METTL26: variants seen among roughly 807,000 people sequenced by gnomAD.
METTL26 encodes the protein methyltransferase like 26.
A neutral mutation model predicts 24.7 loss-of-function variants in METTL26; 28 were observed. The observed-to-expected ratio is 1.13, with a 90% CI of 0.84 to 1.55. The LOEUF (loss-of-function observed/expected upper bound fraction) is 1.55, where lower values mean the gene tolerates loss of function less well. METTL26 is among the 40% of genes most tolerant of loss of function. The pLI, the probability that METTL26 is intolerant of heterozygous loss-of-function variation, is 0.00. For missense variants in METTL26, 344 were observed against 281.2 expected (o/e 1.22, Z -1.60); for synonymous variants, 165 against 125.2 (o/e 1.32, Z -2.12).
Position 634,802 on chromosome 16 carries a change from A to T in METTL26, c.489-5T>A, listed in dbSNP as rs754180031. On this transcript the variant is annotated splice_region_variant and splice_polypyrimidine_tract_variant and intron_variant, in intron 4 of 5. Transcript: ENST00000301686. ...CGAAGCCCCCATTCTGGGTTCCTGC[A>T]GAGGGTGGGGAGATGGAGTCATGGC... 5 of 1,608,008 alleles carry T rather than the reference A, an allele frequency of 3.1e-6. No individual in the cohort carries two copies. The highest frequency in any genetic ancestry group is 4.2e-6 in the Non-Finnish European group (5 of 1,177,294).
chr16:635,157 G>A, intron 3 of METTL26, 124 bp downstream of exon 3: 1 of 1,476,548 alleles, frequency 6.8e-7, no homozygotes, highest in Non-Finnish European at 9.1e-7. Context: ...GACTGGAAGT[G>A]GAGGGGAGGC....
chr16:635,428 G>A, intron 2 of METTL26, 88 bp from the exon 3 acceptor site: 2 of 1,098,784 alleles, frequency 1.8e-6, no homozygotes, highest in South Asian at 3.0e-5. Context: ...CGACTGTGAT[G>A]GGGGAGGCTG....
In METTL26 at chr16:635,300, G is replaced by T. The variant is rs749678888; in HGVS notation, c.401C>A (p.Ala134Asp). Residue 134 changes from alanine to aspartate, a missense_variant, in exon 3 of 6, where the codon GCC becomes GAC. Coordinates refer to ENST00000301686, the MANE Select transcript of METTL26 (RefSeq NM_032366.5). Reference protein sequence around the residue: ...RAAGHLLKPRALLITYGPYAI... With the variant: ...RAAGHLLKPRDLLITYGPYAI... Reference sequence around the variant, plus strand: ...ACTCACCCCGTAGGTGATGAGCAGGGCCCTGGGTTTGAGCAGGTGTCCTGC... The same window carrying T: ...ACTCACCCCGTAGGTGATGAGCAGGTCCCTGGGTTTGAGCAGGTGTCCTGC... The T allele has an allele frequency of 3.8e-6, 6 of 1,597,618 alleles. No homozygotes were observed. The South Asian group carries it at 5.6e-5, about 15-fold the overall frequency.
At chr16:635,083 A>C (rs576543511) in intron 3 of METTL26, 127 bp from the exon 4 acceptor site, 3 of 1,516,536 alleles carry the variant, frequency 2.0e-6, no homozygotes, top group Non-Finnish European at 2.6e-6. Context: ...AGAGGGAGTC[A>C]GCCAAGGCCA....
In METTL26 at chr16:635,877, C is replaced by G. The variant is rs778720340; in HGVS notation, c.198-103G>C. ...GGAGGCTGGGGGGCACGTTGAGGAG[C>G]GGAGACCAAAGCGGCTGGGAAGGGG... On this transcript the variant is annotated intron_variant, in intron 1 of 5. Coordinates refer to ENST00000301686, the MANE Select transcript of METTL26 (RefSeq NM_032366.5). 29 of 1,423,612 alleles carry G rather than the reference C, an allele frequency of 2.0e-5. No homozygotes were observed. The Admixed American group carries it at 6.3e-4, about 31-fold the overall frequency. The allele number at this position is 1,423,612 out of a possible 1,614,324, so 88.2% of individuals were successfully genotyped here.
chr16:635,758 G>T lies in METTL26; in HGVS notation c.214C>A (p.Gln72Lys). ...TTCACGTTGGTCAGGCCCTGGGCTT[G>T]CGTGGTGGCCGCGATGCTGCAGGAG... ...RCLDSIAATT[Q>K]AQGLTNVKAP... is the part of the protein sequence containing the mutation. The change falls in exon 2 of 6, where the codon CAA (glutamine) becomes AAA (lysine). Residue 72 changes from glutamine to lysine, a missense_variant. Gln to Lys is a moderately conservative substitution (Grantham distance 53). Transcript: ENST00000301686. The T allele has an allele frequency of 6.4e-7, 1 of 1,569,816 alleles. No homozygotes were observed. The highest frequency in any genetic ancestry group is 8.7e-7 in the Non-Finnish European group (1 of 1,155,144).
At position 636,228 on chromosome 16, in the gene METTL26, G is replaced by GTAC; in HGVS notation, c.60_62dup (p.Gln20_Tyr21insTer). On this transcript the variant is annotated stop_gained, in exon 1 of 6. Coordinates refer to ENST00000301686, the MANE Select transcript of METTL26 (RefSeq NM_032366.5). LOFTEE classifies it high-confidence loss of function. ...GGACGCCACGCTGGGCCGGATCCAG[G>GTAC]TACTGCCGCAGCACGTGCAAGATGG... 1 of 1,492,372 alleles carries GTAC rather than the reference G, an allele frequency of 6.7e-7. No homozygotes were observed. The highest frequency in any genetic ancestry group is 8.9e-7 in the Non-Finnish European group (1 of 1,127,316). The allele number at this position is 1,492,372 out of a possible 1,614,324, so 92.4% of individuals were successfully genotyped here. A position where few individuals can be genotyped will look rare whatever the true frequency, so the allele number is the denominator to read the frequency against.
chr16:635,185 G>T lies in METTL26; in HGVS notation c.420+96C>A, dbSNP rs963035894. The stretch of plus-strand genomic sequence containing the variant: ...GGGGAGGCCGTGCTGGTGGCTGGGC[G>T]GGGGGCAGGGAGCCCAGGAGGGAGG... On this transcript the variant is annotated intron_variant, in intron 3 of 5. Transcript: ENST00000301686. 2.0e-6 allele frequency: 3 copies of T among 1,474,660 alleles called. No individual in the cohort carries two copies. The African/African-American group carries it at 4.2e-5, about 21-fold the overall frequency. 91.3% of individuals were successfully genotyped at this position (1,474,660 alleles called of 1,614,324 possible).
At chr16:635,918 C>T (rs1257845085) in intron 1 of METTL26, 144 bp from the exon 2 acceptor site, 1 of 1,342,646 alleles carries the variant, frequency 7.4e-7, no homozygotes, top group African/African-American at 1.5e-5. Context: ...CGAGGTCCAC[C>T]CACTTCCGCA....
chr16:636,044 G>C, intron 1 of METTL26, 50 bp downstream of exon 1: 1 of 1,436,536 alleles, frequency 7.0e-7, no homozygotes, highest in East Asian at 2.6e-5. Context: ...GTGGGCTCTT[G>C]AGGCCCCGGA....
chr16:635,948 T>TA, intron 1 of METTL26, 146 bp downstream of exon 1: 3 of 1,342,804 alleles, frequency 2.2e-6, no homozygotes, highest in Non-Finnish European at 9.8e-7. Flanking sequence ...GCCGCACAGC[T>TA]AGGGCCTGCC....
intron 1 of METTL26, 64 bp from the exon 2 acceptor site, chr16:635,838 C>T: frequency 6.8e-7 from 1 of 1,475,922 alleles, no homozygotes; most frequent in Non-Finnish European, 9.0e-7. Flanking sequence ...GACGCCCCCA[C>T]AGAATTTCTT....
intron 1 of METTL26, 43 bp downstream of exon 1, chr16:636,051 C>T: frequency 2.8e-6 from 4 of 1,430,564 alleles, no homozygotes; most frequent in Admixed American, 2.9e-5. Context: ...CTTGAGGCCC[C>T]GGACCGCCGC....
At chr16:635,057 C>A in intron 3 of METTL26, 101 bp from the exon 4 acceptor site, 1 of 1,527,744 alleles carries the variant, frequency 6.5e-7, no homozygotes, top group Non-Finnish European at 8.8e-7. Context: ...GAAAGGGCAC[C>A]CCCTCCCTGT....
rs1232408981 is a variant in METTL26 at position 635,318 on chromosome 16, T to A, written c.383A>T (p.His128Leu). 1.9e-6 allele frequency: 3 copies of A among 1,599,916 alleles called. No homozygotes were observed. The highest frequency in any genetic ancestry group is 2.6e-6 in the Non-Finnish European group (3 of 1,173,480). Residue 128 changes from histidine to leucine, a missense_variant, in exon 3 of 6, where the codon CAC becomes CTC. By Grantham distance (99) the His-to-Leu change is moderately conservative (BLOSUM62 -3). Transcript: ENST00000301686. ...GAGCAGGGCCCTGGGTTTGAGCAGG[T>A]GTCCTGCTGCTCTGAAGAGCCCCTG... is the stretch of plus-strand genomic sequence containing the variant. ...CTEGLFRAAG[H>L]LLKPRALLIT...
intron 3 of METTL26, 145 bp from the exon 4 acceptor site, chr16:635,101 G>A (rs752881097): frequency 4.6e-6 from 7 of 1,507,722 alleles, no homozygotes; most frequent in Non-Finnish European, 5.3e-6. Flanking sequence ...CCAGCCTGGT[G>A]GGCAAGGGGG....
rs565357773 is a variant in METTL26 at position 635,190 on chromosome 16, G to A, written c.420+91C>T. On this transcript the variant is annotated intron_variant, in intron 3 of 5. Transcript: ENST00000301686. ...GGCCGTGCTGGTGGCTGGGCGGGGGGCAGGGAGCCCAGGAGGGAGGACTCT... is the reference window on the plus strand; with the variant it reads ...GGCCGTGCTGGTGGCTGGGCGGGGGACAGGGAGCCCAGGAGGGAGGACTCT... 1.3e-4 allele frequency: 193 copies of A among 1,483,540 alleles called. 2 individuals are homozygous for A. The highest frequency in any genetic ancestry group is 2.7e-4 in the Admixed American group (12 of 44,458). 91.9% of individuals were successfully genotyped at this position (1,483,540 alleles called of 1,614,324 possible).
At position 634,919 on chromosome 16, in the gene METTL26, T is replaced by G. The variant is rs1442801236; in HGVS notation, c.458A>C (p.Asn153Thr). ...AINGKISPQS[N>T]VDFDLMLRCR... ...TCTGAGCATCAGGTCAAAGTCCACG[T>G]TGCTCTGGGGGGAGATCTTCCCATT... is the stretch of plus-strand genomic sequence containing the variant. The change falls in exon 4 of 6, where the codon AAC (asparagine) becomes ACC (threonine). Residue 153 changes from asparagine (N) to threonine (T), a missense_variant. Physicochemically the swap from Asn to Thr is moderately conservative, Grantham distance 65. Transcript: ENST00000301686. 1 of 1,606,562 alleles carries G rather than the reference T, an allele frequency of 6.2e-7. No individual in the cohort carries two copies. The highest frequency in any genetic ancestry group is 8.5e-7 in the Non-Finnish European group (1 of 1,177,036).
chr16:634,853 G>A, intron 4 of METTL26, 36 bp downstream of exon 4: 1 of 1,569,894 alleles, frequency 6.4e-7, no homozygotes, highest in South Asian at 1.2e-5. Flanking sequence ...CAAGCCACCT[G>A]CCACCTGAGC....
Sources: allele counts gnomAD v4.1 joint callset, GRCh38; gene constraint gnomAD v4.1.1; transcripts MANE v1.5; gene names NCBI Gene and HGNC (gene_info 2026-07-23, HGNC 2026-07-21).